The following DPP10 variants were observed in gnomAD, a reference collection of about 807,000 sequenced individuals.
DPP10 encodes the protein dipeptidyl peptidase like 10, also known as inactive dipeptidyl peptidase 10.
Under a neutral mutation model 120.9 loss-of-function variants are expected in DPP10, and 33 were observed. The ratio of observed to expected loss-of-function variants is 0.27; its 90% CI spans 0.21 to 0.37. The LOEUF (loss-of-function observed/expected upper bound fraction) is 0.37, where lower values mean the gene tolerates loss of function less well. DPP10 is among the 10% of genes least tolerant of loss of function. DPP10 has a pLI of 1.00. For synonymous variants in DPP10, 337 were observed against 326.1 expected (o/e 1.03, Z -0.36); for missense variants, 816 against 942.8 (o/e 0.87, Z 1.76).
intron 3 of DPP10, among the ~76,000 whole-genome samples, chr2:115,390,090 T>C (rs774257835): frequency 2.0e-5 from 3 of 152,196 alleles, no homozygotes; most frequent in Non-Finnish European, 4.4e-5. Flanking sequence ...TGTATGATTT[T>C]TGCCTCGTCA....
intron 21 of DPP10, among the ~76,000 whole-genome samples, chr2:115,829,274 C>G (rs1306673741): frequency 6.6e-6 from 1 of 152,088 alleles, no homozygotes; most frequent in Admixed American, 6.5e-5. Context: ...AGCCAGTTTC[C>G]TAGCTCCGTT....
intron 1 of DPP10, among the ~76,000 whole-genome samples, chr2:115,223,651 A>C (rs2057292432): frequency 6.6e-6 from 1 of 152,132 alleles, no homozygotes; most frequent in South Asian, 2.1e-4. Flanking sequence ...AGGAACGAGT[A>C]AACGAAAATG....
chr2:114,831,725 C>T (rs1206939795), intron 1 of DPP10, among the ~76,000 whole-genome samples: 4 of 151,890 alleles, frequency 2.6e-5, no homozygotes, highest in Non-Finnish European at 5.9e-5. Flanking sequence ...GATTAAGTTG[C>T]AGAGTACAAT....
chr2:115,394,848 A>G (rs907752108), intron 3 of DPP10, among the ~76,000 whole-genome samples: 2 of 152,178 alleles, frequency 1.3e-5, no homozygotes, highest in African/African-American at 2.4e-5. Context: ...AAATCCATAC[A>G]TAGTTACTGT....
chr2:115,608,925 AAGG>A (rs2083891888), intron 5 of DPP10, among the ~76,000 whole-genome samples: 1 of 152,146 alleles, frequency 6.6e-6, no homozygotes, highest in Non-Finnish European at 1.5e-5. Context: ...TATAATATAA[AAGG>A]AGAAATATAA....
intron 5 of DPP10, among the ~76,000 whole-genome samples, chr2:115,571,698 T>C (rs2081346061): frequency 3.1e-5 from 2 of 64,920 alleles, no homozygotes; most frequent in Non-Finnish European, 5.8e-5. Flanking sequence ...TGTTCCTTTT[T>C]TTTTTTTTCT....
intron 1 of DPP10, among the ~76,000 whole-genome samples, chr2:114,763,463 C>G (rs919438648): frequency 6.6e-6 from 1 of 152,118 alleles, no homozygotes; most frequent in East Asian, 1.9e-4. Flanking sequence ...AAGTGATTAA[C>G]TTTTTCAATA....
chr2:115,609,858 T>C (rs574855742), intron 5 of DPP10, among the ~76,000 whole-genome samples: 13 of 152,252 alleles, frequency 8.5e-5, no homozygotes, highest in Admixed American at 7.9e-4. Context: ...AACTGAAATA[T>C]GCCATATTGA....
At chr2:115,067,460 G>T (rs1233618272) in intron 1 of DPP10, among the ~76,000 whole-genome samples, 1 of 150,278 alleles carries the variant, frequency 6.7e-6, no homozygotes, top group Admixed American at 6.6e-5. Context: ...CACCGTGTTA[G>T]CCAGGATGGT....
chr2:114,446,113 A>T (rs1573371046), intron 1 of DPP10, among the ~76,000 whole-genome samples: 1 of 152,170 alleles, frequency 6.6e-6, no homozygotes, highest in East Asian at 1.9e-4. Context: ...CGTTATTATA[A>T]ACGTGATTTC....
At chr2:114,443,945 C>A (rs1426851907) in intron 1 of DPP10, among the ~76,000 whole-genome samples, 1 of 152,090 alleles carries the variant, frequency 6.6e-6, no homozygotes, top group Non-Finnish European at 1.5e-5. Context: ...TACCGTTTGC[C>A]AGAGTGTTTC....
intron 1 of DPP10, among the ~76,000 whole-genome samples, chr2:114,879,152 T>C (rs940537450): frequency 2.6e-5 from 4 of 152,116 alleles, no homozygotes; most frequent in African/African-American, 9.6e-5. Flanking sequence ...TTTTTCATTT[T>C]TTTTCTACAT....
intron 11 of DPP10, 128 bp downstream of exon 11, chr2:115,753,425 A>G: frequency 2.4e-6 from 2 of 824,342 alleles, no homozygotes; most frequent in Non-Finnish European, 3.5e-6. Flanking sequence ...TAGGAAAAGA[A>G]TTATTCTATT....
intron 1 of DPP10, among the ~76,000 whole-genome samples, chr2:114,689,246 C>T (rs1025006476): frequency 7.1e-6 from 1 of 140,010 alleles, no homozygotes; most frequent in Non-Finnish European, 1.6e-5. Flanking sequence ...TACCACCCTG[C>T]GACAGACCCC....
At chr2:115,824,601 T>C (rs980007753) in intron 21 of DPP10, among the ~76,000 whole-genome samples, 8 of 152,198 alleles carry the variant, frequency 5.3e-5, no homozygotes, top group African/African-American at 1.9e-4. Flanking sequence ...GTTAGTTTGC[T>C]GAGAATGATG....
intron 1 of DPP10, among the ~76,000 whole-genome samples, chr2:114,560,007 C>T (rs186732551): frequency 1.3e-5 from 2 of 151,594 alleles, no homozygotes; most frequent in East Asian, 1.9e-4. Context: ...CAAGCCTGTA[C>T]TTGCCTTCTA....
intron 5 of DPP10, among the ~76,000 whole-genome samples, chr2:115,541,278 G>C (rs1575133910): frequency 1.3e-5 from 2 of 151,878 alleles, no homozygotes; most frequent in Admixed American, 1.3e-4. Context: ...GGAGAGTTAG[G>C]TTAATTTAAA....
chr2:115,346,939 A>AT (rs1485002785), intron 3 of DPP10, among the ~76,000 whole-genome samples: 2 of 152,128 alleles, frequency 1.3e-5, no homozygotes, highest in African/African-American at 4.8e-5. Context: ...CATATCTAAC[A>AT]TATTTATCAA....
chr2:115,290,143 TAAAC>T (rs1022570085), intron 1 of DPP10, among the ~76,000 whole-genome samples: 6 of 151,904 alleles, frequency 3.9e-5, no homozygotes, highest in South Asian at 2.1e-4. Context: ...TTCAAACAAA[TAAAC>T]AAGGAAAAGA....
Sources: allele counts gnomAD v4.1 joint callset (sites outside exome capture counted in the v4.1 genomes callset), GRCh38; gene constraint gnomAD v4.1.1; transcripts MANE v1.5; gene names NCBI Gene and HGNC (gene_info 2026-07-23, HGNC 2026-07-21).